PDXP: variants seen among roughly 807,000 people sequenced by gnomAD.
PDXP encodes pyridoxal phosphatase.
In PDXP, 15 loss-of-function variants were observed where a neutral mutation model predicts 14.4. That is an observed-to-expected ratio of 1.04 (90% CI 0.70 to 1.60). PDXP has a LOEUF of 1.60. Among genes scored for constraint, PDXP ranks in the 40% most tolerant of loss-of-function variants. PDXP has a pLI of 0.00. For synonymous variants in PDXP, 233 were observed against 205.6 expected (o/e 1.13, Z -1.14); for missense variants, 413 against 427.6 (o/e 0.97, Z 0.30).
In PDXP at chr22:37,665,715, C is replaced by G. The variant is rs1921054831; in HGVS notation, c.735C>G (p.Leu245=). The part of the protein sequence containing the change: ...MVGDRLETDI[L]FGHRCGMTTV... The stretch of plus-strand genomic sequence containing the variant: ...GTGACCGCCTGGAGACCGACATCCT[C>G]TTTGGCCACCGCTGCGGCATGACCA... The change falls in exon 2 of 2, where the codon CTC becomes CTG. Residue 245 remains leucine, a synonymous_variant. Coordinates refer to ENST00000215904, the MANE Select transcript of PDXP (RefSeq NM_020315.5). The G allele has an allele frequency of 6.2e-7, 1 of 1,614,060 alleles. No individual in the cohort carries two copies.
At position 37,665,957 on chromosome 22, in the gene PDXP, C is replaced by T. The variant is rs914223889; in HGVS notation, c.*86C>T. 2.9e-6 allele frequency: 4 copies of T among 1,362,036 alleles called. No individual in the cohort carries two copies. The highest frequency in any genetic ancestry group is 4.1e-6 in the Non-Finnish European group (4 of 984,556). The allele number at this position is 1,362,036 out of a possible 1,614,324, so 84.4% of individuals were successfully genotyped here. On this transcript the variant is annotated 3_prime_UTR_variant, in exon 2 of 2. Transcript: ENST00000215904. ...GCGATGGGTCACGAGCCATGTTAAG[C>T]ACAACCGGCTCCTTGGTCCAGTTCT...
intron 1 of PDXP, among the ~76,000 whole-genome samples, chr22:37,663,214 G>A (rs1265934523): frequency 6.7e-6 from 1 of 149,632 alleles, no homozygotes; most frequent in Non-Finnish European, 1.5e-5. Flanking sequence ...TGAGGCAGGA[G>A]AACGGCATGA....
chr22:37,663,370 G>A lies in PDXP; in HGVS notation c.575-2185G>A, dbSNP rs180746542. Among the ~76,000 whole-genome samples the A allele has an allele frequency of 3.5e-3, 531 of 151,016 alleles. 4 individuals are homozygous for A. The highest frequency in any genetic ancestry group is 0.013 in the African/African-American group (521 of 41,064). On this transcript the variant is annotated intron_variant, in intron 1 of 1. Coordinates refer to ENST00000215904, the MANE Select transcript of PDXP (RefSeq NM_020315.5). The stretch of plus-strand genomic sequence containing the variant: ...TGACTTTTTTTTGAGACAGGGTCTC[G>A]CTCTGTCACCCAGGCTGAAGTGCAG...
intron 1 of PDXP, among the ~76,000 whole-genome samples, chr22:37,662,709 C>T (rs1318335795): frequency 6.6e-6 from 1 of 152,152 alleles, no homozygotes; most frequent in East Asian, 1.9e-4. Context: ...TCATTTAGGT[C>T]GGGCACAGTG....
rs763030330 is a variant in PDXP at position 37,661,917 on chromosome 22, A to ATTTTTTT, written c.574+2597_574+2603dup. 6.3e-4 allele frequency among the ~76,000 whole-genome samples: 45 copies of ATTTTTTT among 71,216 alleles called. 2 individuals carry two copies. Among genetic ancestry groups the ATTTTTTT allele is most frequent in the Non-Finnish European group, 8.7e-4 (34 of 38,942 alleles). The allele number at this position is 71,216 out of a possible 152,430, so 46.7% of individuals were successfully genotyped here. ...CTTTTATTCTCTCTCTTTTTCTTTA[A>ATTTTTTT]TTTTTTTTTTTTTTTTTTTTTTTTT... On this transcript the variant is annotated intron_variant, in intron 1 of 1. Coordinates refer to ENST00000215904, the MANE Select transcript of PDXP (RefSeq NM_020315.5).
At position 37,658,724 on chromosome 22, in the gene PDXP, A is replaced by G; in HGVS notation, c.-59A>G. On this transcript the variant is annotated 5_prime_UTR_variant, in exon 1 of 2. Transcript: ENST00000215904. ...GGCGGCTGCGTGGAACGTGCCAGGG[A>G]GAGCGCGCCGTGCCCGCGGAGAGAG... The G allele has an allele frequency of 9.4e-7, 1 of 1,058,318 alleles. No homozygotes were observed. Among genetic ancestry groups the G allele is most frequent in the Non-Finnish European group, 1.2e-6 (1 of 854,770 alleles). The allele number at this position is 1,058,318 out of a possible 1,614,324, so 65.6% of individuals were successfully genotyped here. A position where few individuals can be genotyped will look rare whatever the true frequency, so the allele number is the denominator to read the frequency against.
At chr22:37,660,671 C>T (rs1021485377) in intron 1 of PDXP, among the ~76,000 whole-genome samples, 1 of 152,196 alleles carries the variant, frequency 6.6e-6, no homozygotes, top group Non-Finnish European at 1.5e-5. Context: ...ATCTCTGTCA[C>T]TCCGTCTCTG....
At position 37,658,769 on chromosome 22, in the gene PDXP, G is replaced by T; in HGVS notation, c.-14G>T. 2.6e-6 allele frequency: 3 copies of T among 1,161,580 alleles called. No individual in the cohort carries two copies. The highest frequency in any genetic ancestry group is 3.2e-6 in the Non-Finnish European group (3 of 942,706). 72.0% of individuals were successfully genotyped at this position (1,161,580 alleles called of 1,614,324 possible). Reference sequence around the variant, plus strand: ...AGAGAGCGCGGCGCGGGAGGCCGGCGGCCGGCCGGCTGCATGGCGCGCTGC... The same window carrying T: ...AGAGAGCGCGGCGCGGGAGGCCGGCTGCCGGCCGGCTGCATGGCGCGCTGC... On this transcript the variant is annotated 5_prime_UTR_variant, in exon 1 of 2. Transcript: ENST00000215904.
rs1445630922 is a variant in PDXP at position 37,666,521 on chromosome 22, T to A, written c.*650T>A. ...GATAGTGACCCAGTGGTCTTTTAGATCCTCAGTAGAACAGTCCAGAAGCCT... is the reference window on the plus strand; with the variant it reads ...GATAGTGACCCAGTGGTCTTTTAGAACCTCAGTAGAACAGTCCAGAAGCCT... On this transcript the variant is annotated 3_prime_UTR_variant, in exon 2 of 2. Coordinates refer to ENST00000215904, the MANE Select transcript of PDXP (RefSeq NM_020315.5). 4 of 169,816 alleles carry A rather than the reference T, an allele frequency of 2.4e-5. No homozygotes were observed. Among genetic ancestry groups the A allele is most frequent in the Non-Finnish European group, 4.3e-5 (3 of 69,870 alleles). The allele number at this position is 169,816 out of a possible 1,614,324, so 10.5% of individuals were successfully genotyped here.
In PDXP at chr22:37,665,802, C is replaced by T; in HGVS notation, c.822C>T (p.Gly274=). The T allele has an allele frequency of 1.2e-6, 2 of 1,614,048 alleles. No homozygotes were observed. The highest frequency in any genetic ancestry group is 1.7e-6 in the Non-Finnish European group (2 of 1,180,036). Reference sequence around the variant, plus strand: ...AGGCCCAGGCCTACCTAGCGGCCGGCCAGCACGACCTCGTGCCCCATTACT... The same window carrying T: ...AGGCCCAGGCCTACCTAGCGGCCGGTCAGCACGACCTCGTGCCCCATTACT... ...LEEAQAYLAA[G]QHDLVPHYYV... Residue 274 remains glycine, a synonymous_variant, in exon 2 of 2, where the codon GGC becomes GGT. Coordinates refer to ENST00000215904, the MANE Select transcript of PDXP (RefSeq NM_020315.5).
chr22:37,662,602 G>A (rs910871079), intron 1 of PDXP, among the ~76,000 whole-genome samples: 1 of 152,316 alleles, frequency 6.6e-6, no homozygotes, highest in African/African-American at 2.4e-5. Context: ...TCACAGGTAC[G>A]GTGGAACCTC....
Position 37,659,098 on chromosome 22 carries a change from G to T in PDXP, c.316G>T (p.Ala106Ser). The change falls in exon 1 of 2, where the codon GCG becomes TCG. Residue 106 changes from alanine to serine, a missense_variant. Ala to Ser is a moderately conservative substitution (Grantham distance 99). Transcript: ENST00000215904. The part of the protein sequence containing the change: ...LRQRLPGPPD[A>S]PGAVFVLGGE... ...CCAGCGCCTGCCCGGGCCTCCGGAC[G>T]CGCCGGGCGCCGTGTTCGTGCTGGG... 1 of 1,046,470 alleles carries T rather than the reference G, an allele frequency of 9.6e-7. No individual in the cohort carries two copies. The highest frequency in any genetic ancestry group is 4.4e-5 in the South Asian group (1 of 22,734). The allele number at this position is 1,046,470 out of a possible 1,614,324, so 64.8% of individuals were successfully genotyped here.
At chr22:37,665,255 C>T (rs1466054897) in intron 1 of PDXP, among the ~76,000 whole-genome samples, 3 of 152,104 alleles carry the variant, frequency 2.0e-5, no homozygotes, top group Non-Finnish European at 4.4e-5. Context: ...AGTAGCTCCA[C>T]GCATCCTCAC....
chr22:37,659,238 G>C lies in PDXP; in HGVS notation c.456G>C (p.Glu152Asp), dbSNP rs1933150261. The C allele has an allele frequency of 1.4e-5, 18 of 1,322,906 alleles. No individual in the cohort carries two copies. The highest frequency in any genetic ancestry group is 1.7e-5 in the Non-Finnish European group (18 of 1,031,418). 81.9% of individuals were successfully genotyped at this position (1,322,906 alleles called of 1,614,324 possible). A position where few individuals can be genotyped will look rare whatever the true frequency, so the allele number is the denominator to read the frequency against. ...GCGCCGTGCTTGTGGGCTACGACGA[G>C]CACTTCTCCTTCGCCAAGCTGAGGG... The part of the protein sequence containing the change: ...RVRAVLVGYD[E>D]HFSFAKLREA... The change falls in exon 1 of 2, where the codon GAG (glutamate) becomes GAC (aspartate). Residue 152 changes from glutamate to aspartate, a missense_variant. Physicochemically the swap from Glu to Asp is conservative, Grantham distance 45. Coordinates refer to ENST00000215904, the MANE Select transcript of PDXP (RefSeq NM_020315.5).
chr22:37,659,787 T>C (rs1933166027), intron 1 of PDXP, among the ~76,000 whole-genome samples: 1 of 152,156 alleles, frequency 6.6e-6, no homozygotes, highest in African/African-American at 2.4e-5. Flanking sequence ...AGCTGTGTAA[T>C]CGTGTTCAGT....
At position 37,665,685 on chromosome 22, in the gene PDXP, G is replaced by A; in HGVS notation, c.705G>A (p.Met235Ile). Residue 235 changes from methionine to isoleucine, a missense_variant, in exon 2 of 2, where the codon ATG becomes ATA. Coordinates refer to ENST00000215904, the MANE Select transcript of PDXP (RefSeq NM_020315.5). ...GCATCGACCCCGCACGCACGCTTAT[G>A]GTGGGTGACCGCCTGGAGACCGACA... ...NFSIDPARTL[M>I]VGDRLETDIL... 6.2e-7 allele frequency: 1 copy of A among 1,614,150 alleles called. No homozygotes were observed. The highest frequency in any genetic ancestry group is 8.5e-7 in the Non-Finnish European group (1 of 1,180,036).
At chr22:37,663,920 T>TC in intron 1 of PDXP, among the ~76,000 whole-genome samples, 3 of 21,118 alleles carry the variant, frequency 1.4e-4, no homozygotes, top group African/African-American at 5.0e-4. Flanking sequence ...ATACGTTGAC[T>TC]TTTTTTTTTT....
chr22:37,665,459 T>G, intron 1 of PDXP, 96 bp from the exon 2 acceptor site: 1 of 1,009,730 alleles, frequency 9.9e-7, no homozygotes, highest in South Asian at 1.6e-5. Flanking sequence ...GCAGCCGATT[T>G]GACCCTGGCA....
Position 37,665,567 on chromosome 22 carries a change from TG to T in PDXP, c.589del (p.Ala197ProfsTer56). ...CATCTCCCTACAGGCACCGGGAGCCTGGCCGCTGCAGTGGAGACAGCCTCGG... is the reference window on the plus strand; with the variant it reads ...CATCTCCCTACAGGCACCGGGAGCCTGCCGCTGCAGTGGAGACAGCCTCGG... The part of the protein sequence containing the change: ...DGSRTPGTGS[L>X]AAAVETASGR... On this transcript the variant is annotated frameshift_variant, in exon 2 of 2. Coordinates refer to ENST00000215904, the MANE Select transcript of PDXP (RefSeq NM_020315.5). LOFTEE classifies it high-confidence loss of function. The T allele has an allele frequency of 3.1e-6, 5 of 1,607,102 alleles. No individual in the cohort carries two copies. Among genetic ancestry groups the T allele is most frequent in the Non-Finnish European group, 3.4e-6 (4 of 1,177,876 alleles).
Sources: gnomAD v4.1 joint callset for allele counts (sites outside exome capture counted in the v4.1 genomes callset) on GRCh38, gnomAD v4.1.1 for gene constraint, MANE v1.5 for transcripts, NCBI Gene and HGNC (gene_info 2026-07-23, HGNC 2026-07-21) for gene names.